Variants in NELL1 observed in about 807,000 individuals in gnomAD.
NELL1 encodes the protein neural EGFL like 1, also known as protein kinase C-binding protein NELL1.
Under a neutral mutation model 107.4 loss-of-function variants are expected in NELL1, and 76 were observed. That is an observed-to-expected ratio of 0.71 (90% CI 0.59 to 0.86). NELL1 has a LOEUF of 0.86. Among genes scored for constraint, NELL1 ranks in the 40% least tolerant of loss-of-function variants. NELL1 has a pLI of 0.00. For synonymous variants in NELL1, 353 were observed against 341.2 expected (o/e 1.03, Z -0.38); for missense variants, 1,024 against 1,005.5 (o/e 1.02, Z -0.25).
chr11:20,685,518 A>G (rs922620769), intron 2 of NELL1, among the ~76,000 whole-genome samples: 4 of 152,060 alleles, frequency 2.6e-5, no homozygotes, highest in African/African-American at 7.2e-5. Context: ...AGGTTAATGT[A>G]TGATAGCAAC....
intron 3 of NELL1, among the ~76,000 whole-genome samples, chr11:20,828,730 T>C (rs756543167): frequency 6.6e-6 from 1 of 152,222 alleles, no homozygotes; most frequent in Non-Finnish European, 1.5e-5. Context: ...ATCATTTGTT[T>C]TTTCTTTTCA....
intron 15 of NELL1, among the ~76,000 whole-genome samples, chr11:21,423,297 G>T (rs1162316093): frequency 6.6e-6 from 1 of 152,108 alleles, no homozygotes; most frequent in African/African-American, 2.4e-5. Context: ...TTGAACCCAG[G>T]AGATGGAGGT....
At position 21,490,302 on chromosome 11, in the gene NELL1, T is replaced by C. The variant is rs1242189445; in HGVS notation, c.1646-44072T>C. On this transcript the variant is annotated intron_variant, in intron 15 of 19. Transcript: ENST00000357134. ...AGAAATTGAAGAGGACACAAACAAA[T>C]TGAAAGACATTACATGCTTATAGAT... 2.6e-5 allele frequency among the ~76,000 whole-genome samples: 4 copies of C among 151,914 alleles called. No individual in the cohort carries two copies. In the East Asian group the frequency reaches 7.7e-4, roughly 29 times the overall value.
intron 4 of NELL1, among the ~76,000 whole-genome samples, chr11:20,884,851 T>G (rs888150931): frequency 6.0e-4 from 92 of 152,296 alleles, no homozygotes; most frequent in African/African-American, 2.1e-3. Flanking sequence ...GCATAAAAAG[T>G]GTTCAATAAA....
intron 14 of NELL1, among the ~76,000 whole-genome samples, chr11:21,287,422 A>G (rs756624295): frequency 1.3e-5 from 2 of 152,054 alleles, no homozygotes; most frequent in Non-Finnish European, 2.9e-5. Context: ...CTTACTTAAA[A>G]CCTTTATTCA....
chr11:21,117,350 G>A (rs757439322), intron 13 of NELL1, among the ~76,000 whole-genome samples: 1 of 151,826 alleles, frequency 6.6e-6, no homozygotes, highest in Non-Finnish European at 1.5e-5. Context: ...TTGAGAGCAG[G>A]GGCCTTTTTC....
At chr11:20,721,075 T>C (rs562803473) in intron 2 of NELL1, among the ~76,000 whole-genome samples, 29 of 151,642 alleles carry the variant, frequency 1.9e-4, no homozygotes, top group Non-Finnish European at 3.1e-4. Context: ...AAATGTTTCA[T>C]CCTTGTGAAG....
chr11:20,872,186 T>G (rs1221768971), intron 4 of NELL1, among the ~76,000 whole-genome samples: 2 of 148,468 alleles, frequency 1.3e-5, no homozygotes. Context: ...TTTTTTTTTT[T>G]TTTTGGAGAC....
chr11:20,850,104 A>G (rs1848769610), intron 4 of NELL1, among the ~76,000 whole-genome samples: 1 of 152,186 alleles, frequency 6.6e-6, no homozygotes, highest in Non-Finnish European at 1.5e-5. Flanking sequence ...GGTAAGAAGG[A>G]GAAAAGGATT....
chr11:21,235,531 T>A (rs948966127), intron 14 of NELL1, among the ~76,000 whole-genome samples: 1 of 152,110 alleles, frequency 6.6e-6, no homozygotes, highest in African/African-American at 2.4e-5. Context: ...GGGAGGTATA[T>A]CTTTGGTAGT....
At chr11:21,515,348 C>G (rs1441856564) in intron 15 of NELL1, among the ~76,000 whole-genome samples, 2 of 152,108 alleles carry the variant, frequency 1.3e-5, no homozygotes, top group Non-Finnish European at 2.9e-5. Context: ...AGTAAAAGTT[C>G]AGCAGATGAA....
At chr11:21,556,671 AC>A (rs1027803350) in intron 16 of NELL1, among the ~76,000 whole-genome samples, 15 of 152,016 alleles carry the variant, frequency 9.9e-5, no homozygotes, top group Admixed American at 9.2e-4. Flanking sequence ...AAAACTGAGT[AC>A]AATAATAACA....
intron 8 of NELL1, 26 bp downstream of exon 8, chr11:20,927,468 G>T: frequency 6.3e-7 from 1 of 1,596,760 alleles, no homozygotes; most frequent in South Asian, 1.2e-5. Flanking sequence ...AATAAATACA[G>T]TAAAAACAGT....
intron 14 of NELL1, among the ~76,000 whole-genome samples, chr11:21,347,319 G>C (rs1031813653): frequency 6.6e-6 from 1 of 152,064 alleles, no homozygotes; most frequent in Non-Finnish European, 1.5e-5. Flanking sequence ...AAATCATAAC[G>C]GGGCTGGTCT....
chr11:21,431,184 A>T (rs1056203135), intron 15 of NELL1, among the ~76,000 whole-genome samples: 1 of 151,920 alleles, frequency 6.6e-6, no homozygotes, highest in Non-Finnish European at 1.5e-5. Flanking sequence ...CTCTCACTTC[A>T]TTTATGGTCC....
At chr11:21,546,646 TGC>T (rs1466568794) in intron 16 of NELL1, among the ~76,000 whole-genome samples, 4 of 152,008 alleles carry the variant, frequency 2.6e-5, no homozygotes, top group African/African-American at 9.7e-5. Context: ...GCTCTTCCTT[TGC>T]CTTCATCATG....
intron 1 of NELL1, among the ~76,000 whole-genome samples, chr11:20,673,543 G>A (rs1404815691): frequency 6.6e-6 from 1 of 152,220 alleles, no homozygotes; most frequent in Non-Finnish European, 1.5e-5. Context: ...TGAGTGGGCT[G>A]TGGGCCCGAG....
intron 13 of NELL1, among the ~76,000 whole-genome samples, chr11:21,153,163 T>C (rs749396114): frequency 1.3e-5 from 2 of 152,158 alleles, no homozygotes; most frequent in Non-Finnish European, 2.9e-5. Flanking sequence ...TCATCAGGCA[T>C]TTTATAAATC....
At chr11:21,282,190 A>G (rs1453828501) in intron 14 of NELL1, among the ~76,000 whole-genome samples, 2 of 152,238 alleles carry the variant, frequency 1.3e-5, no homozygotes, top group East Asian at 3.8e-4. Flanking sequence ...TGAGCAAAAG[A>G]TCTGAATAGA....
Sources: allele counts gnomAD v4.1 joint callset (sites outside exome capture counted in the v4.1 genomes callset), GRCh38; gene constraint gnomAD v4.1.1; transcripts MANE v1.5; gene names NCBI Gene and HGNC (gene_info 2026-07-23, HGNC 2026-07-21).